GPR19: variants seen among roughly 807,000 people sequenced by gnomAD.
The protein encoded by GPR19 is probable G protein-coupled receptor 19.
In GPR19, 14 loss-of-function variants were observed where a neutral mutation model predicts 28.5. That is an observed-to-expected ratio of 0.49 (90% CI 0.32 to 0.77). The LOEUF is 0.77. Among genes scored for constraint, GPR19 ranks in the 30% least tolerant of loss-of-function variants. The pLI, the probability that GPR19 is intolerant of heterozygous loss-of-function variation, is 0.03. For missense variants in GPR19, 409 were observed against 504.1 expected (o/e 0.81, Z 1.81); for synonymous variants, 173 against 184.1 (o/e 0.94, Z 0.49).
chr12:12,695,115 C>T (rs1278436665), intron 2 of GPR19, among the ~76,000 whole-genome samples: 7 of 152,210 alleles, frequency 4.6e-5, no homozygotes, highest in African/African-American at 1.4e-4. Context: ...CTTTACCTAT[C>T]AGCCATTCCT....
At position 12,662,181 on chromosome 12, in the gene GPR19, T is replaced by C. The variant is rs1362356769; in HGVS notation, c.268A>G (p.Ile90Val). ...IFGNSLVCLV[I>V]HRSRRTQSTT... ...GACTGAGTCCTCCTACTCCTATGGA[T>C]GACCAAACAAACCAGGGAATTGCCG... The change falls in exon 4 of 4, where the codon ATC becomes GTC. Residue 90 changes from isoleucine (I) to valine (V), a missense_variant. Physicochemically the swap from Ile to Val is conservative, Grantham distance 29. Coordinates refer to ENST00000651487, the MANE Select transcript of GPR19 (RefSeq NM_006143.3). 1 of 1,614,084 alleles carries C rather than the reference T, an allele frequency of 6.2e-7. No homozygotes were observed. Among genetic ancestry groups the C allele is most frequent in the African/African-American group, 1.3e-5 (1 of 74,924 alleles).
chr12:12,698,476 T>A (rs1946293733), upstream of GPR19, among the ~76,000 whole-genome samples: 1 of 152,228 alleles, frequency 6.6e-6, no homozygotes, highest in Admixed American at 6.5e-5. Context: ...CGAATTATTG[T>A]GACCCCAGGA....
intron 3 of GPR19, among the ~76,000 whole-genome samples, chr12:12,667,844 G>A (rs984483183): frequency 6.6e-6 from 1 of 152,078 alleles, no homozygotes; most frequent in African/African-American, 2.4e-5. Context: ...AGTTCCTTGA[G>A]GATAAGGACT....
intron 3 of GPR19, among the ~76,000 whole-genome samples, chr12:12,662,915 A>G (rs946930613): frequency 2.0e-5 from 3 of 152,262 alleles, no homozygotes; most frequent in East Asian, 1.9e-4. Context: ...GCTTGGGCAG[A>G]TGAAAACACA....
intron 3 of GPR19, among the ~76,000 whole-genome samples, chr12:12,662,924 C>G (rs1234119312): frequency 1.3e-5 from 2 of 152,224 alleles, no homozygotes; most frequent in Admixed American, 1.3e-4. Flanking sequence ...GATGAAAACA[C>G]ACAGATTTTG....
At chr12:12,700,711 T>C (rs950814002), upstream of GPR19, among the ~76,000 whole-genome samples, 3 of 152,202 alleles carry the variant, frequency 2.0e-5, no homozygotes, top group African/African-American at 7.2e-5. Flanking sequence ...TGCTGTCCAA[T>C]ACAGTAGTAA....
chr12:12,667,554 G>A (rs1003949313), intron 3 of GPR19, among the ~76,000 whole-genome samples: 1 of 152,102 alleles, frequency 6.6e-6, no homozygotes, highest in Non-Finnish European at 1.5e-5. Flanking sequence ...AGCCAGGCGT[G>A]GTGGCATGTG....
chr12:12,664,919 C>CAAAAAAAAAAAAAAAA (rs746346681), intron 3 of GPR19, among the ~76,000 whole-genome samples: 5 of 31,110 alleles, frequency 1.6e-4, no homozygotes, highest in African/African-American at 4.7e-4. Flanking sequence ...GACGCCATCT[C>CAAAAAAAAAAAAAAAA]AAAAAAAAAA....
chr12:12,695,118 C>T (rs917155739), intron 2 of GPR19, among the ~76,000 whole-genome samples: 2 of 152,198 alleles, frequency 1.3e-5, no homozygotes, highest in Non-Finnish European at 2.9e-5. Context: ...TACCTATCAG[C>T]CATTCCTTTG....
intron 3 of GPR19, among the ~76,000 whole-genome samples, chr12:12,664,064 G>A (rs1945721542): frequency 6.6e-6 from 1 of 152,120 alleles, no homozygotes; most frequent in African/African-American, 2.4e-5. Flanking sequence ...CGCGATCTCT[G>A]CTCAATGCAA....
the GPR19 span, among the ~76,000 whole-genome samples, chr12:12,711,523 T>A: frequency 6.6e-6 from 1 of 152,092 alleles, no homozygotes; most frequent in Non-Finnish European, 1.5e-5. Context: ...TTTGCTTACA[T>A]TCTATTGGAA....
rs149926475 is a variant in GPR19 at position 12,686,269 on chromosome 12, C to T, written c.-179-1762G>A. 2.9e-3 allele frequency among the ~76,000 whole-genome samples: 435 copies of T among 152,328 alleles called. 4 individuals are homozygous for T. The highest frequency in any genetic ancestry group is 9.6e-3 in the African/African-American group (399 of 41,572). Reference sequence around the variant, plus strand: ...AATTTTCAAGAAACTGAAGGTCCTTCCTGGATCAACATCCTCATCGTATTT... The same window carrying T: ...AATTTTCAAGAAACTGAAGGTCCTTTCTGGATCAACATCCTCATCGTATTT... On this transcript the variant is annotated intron_variant, in intron 2 of 3. Transcript: ENST00000651487.
At chr12:12,680,269 C>G (rs745715203) in intron 3 of GPR19, among the ~76,000 whole-genome samples, 5 of 152,196 alleles carry the variant, frequency 3.3e-5, no homozygotes, top group Non-Finnish European at 7.3e-5. Flanking sequence ...TACCTGCCGT[C>G]TGTGGACATT....
At chr12:12,709,526 G>A in the GPR19 span, among the ~76,000 whole-genome samples, 1,668 of 152,188 alleles carry the variant, frequency 0.011, 28 homozygotes, top group African/African-American at 0.037. Context: ...CTGCAGCTTC[G>A]ATCTCCTGGG....
intron 3 of GPR19, among the ~76,000 whole-genome samples, chr12:12,663,260 C>T (rs559664421): frequency 2.8e-4 from 42 of 152,068 alleles, no homozygotes; most frequent in African/African-American, 8.9e-4. Flanking sequence ...AACCAGGTTA[C>T]GGGAGACCTT....
intron 3 of GPR19, among the ~76,000 whole-genome samples, chr12:12,677,367 A>G (rs184813244): frequency 5.6e-4 from 86 of 152,236 alleles, no homozygotes; most frequent in African/African-American, 2.0e-3. Context: ...CACCACGTGC[A>G]GCTAATTTTT....
At chr12:12,695,016 T>C (rs1269652712) in intron 2 of GPR19, among the ~76,000 whole-genome samples, 3 of 152,236 alleles carry the variant, frequency 2.0e-5, no homozygotes, top group African/African-American at 4.8e-5. Flanking sequence ...TTCCATTCTA[T>C]ATATTCACAC....
At chr12:12,683,160 T>C (rs914704869) in intron 3 of GPR19, among the ~76,000 whole-genome samples, 5 of 152,174 alleles carry the variant, frequency 3.3e-5, no homozygotes, top group Non-Finnish European at 7.3e-5. Flanking sequence ...GAGACATCAA[T>C]TGGTCACCAT....
chr12:12,688,174 TG>T (rs1345498761), intron 2 of GPR19, among the ~76,000 whole-genome samples: 1 of 151,906 alleles, frequency 6.6e-6, no homozygotes, highest in East Asian at 1.9e-4. Flanking sequence ...GTGAAGAGAG[TG>T]GGAGGGGGGG....
Sources: gnomAD v4.1 joint callset for allele counts (sites outside exome capture counted in the v4.1 genomes callset) on GRCh38, gnomAD v4.1.1 for gene constraint, MANE v1.5 for transcripts, NCBI Gene and HGNC (gene_info 2026-07-23, HGNC 2026-07-21) for gene names.